OSBPL11: variants seen among roughly 807,000 people sequenced by gnomAD.
The protein encoded by OSBPL11 is oxysterol-binding protein-related protein 11.
OSBPL11 carries 33 observed loss-of-function variants against 84.4 expected under a neutral mutation model. The ratio of observed to expected loss-of-function variants is 0.39; its 90% CI spans 0.30 to 0.52. OSBPL11 has a LOEUF of 0.52. Ranked by LOEUF, OSBPL11 falls within the 20% of genes least tolerant of loss-of-function variation. OSBPL11 has a pLI of 0.72. For synonymous variants in OSBPL11, 276 were observed against 310.2 expected, an observed-to-expected ratio of 0.89 and a Z score of 1.16; for missense variants, 736 against 901.1, an observed-to-expected ratio of 0.82 and a Z score of 2.35.
At chr3:125,532,080 C>G (rs1349337368) in intron 11 of OSBPL11, 66 bp from the exon 12 acceptor site, 1 of 1,445,964 alleles carries the variant, frequency 6.9e-7, no homozygotes, top group Non-Finnish European at 9.3e-7. Flanking sequence ...AGAATCAATA[C>G]CCTCAAAATT....
intron 9 of OSBPL11, among the ~76,000 whole-genome samples, chr3:125,548,884 T>G (rs977481295): frequency 6.6e-6 from 1 of 152,176 alleles, no homozygotes; most frequent in Admixed American, 6.6e-5. Context: ...TATTTTTTTT[T>G]TTTGTATTGC....
intron 8 of OSBPL11, among the ~76,000 whole-genome samples, chr3:125,557,797 T>C (rs1241980045): frequency 2.1e-5 from 3 of 140,914 alleles, no homozygotes; most frequent in African/African-American, 2.7e-5. Flanking sequence ...CTTTCTTTTT[T>C]TTTTTTTTTT....
At chr3:125,594,587 AT>A in intron 1 of OSBPL11, 49 bp downstream of exon 1, 2 of 1,589,544 alleles carry the variant, frequency 1.3e-6, no homozygotes, top group Non-Finnish European at 1.7e-6. Flanking sequence ...TCCAGGGCAT[AT>A]TCACCCCTAC....
chr3:125,563,938 G>A lies in OSBPL11; in HGVS notation c.869-95C>T, dbSNP rs142570730. The A allele has an allele frequency of 4.9e-6, 7 of 1,422,578 alleles. No homozygotes were observed. In the African/African-American group the frequency reaches 5.7e-5, roughly 12 times the overall value. 88.1% of individuals were successfully genotyped at this position (1,422,578 alleles called of 1,614,324 possible). On this transcript the variant is annotated intron_variant, in intron 6 of 12. Transcript: ENST00000296220. ...TAACAATTTTGTTTTGAGCCTACAA[G>A]CCTAAAAGCAATTAAACCTGTTAAG...
chr3:125,588,557 T>C (rs1936549630), intron 1 of OSBPL11, among the ~76,000 whole-genome samples: 2 of 152,194 alleles, frequency 1.3e-5, no homozygotes, highest in Non-Finnish European at 1.5e-5. Flanking sequence ...ATCCAAGTTG[T>C]AGTCAGTAAA....
intron 1 of OSBPL11, among the ~76,000 whole-genome samples, chr3:125,592,650 C>A (rs1258529376): frequency 6.6e-6 from 1 of 152,026 alleles, no homozygotes; most frequent in Non-Finnish European, 1.5e-5. Flanking sequence ...GGAAATGTTT[C>A]ATTGTATATA....
chr3:125,551,709 C>T (rs1336820312), intron 9 of OSBPL11, among the ~76,000 whole-genome samples: 2 of 151,724 alleles, frequency 1.3e-5, no homozygotes, highest in African/African-American at 2.4e-5. Context: ...ACCTGGGAGG[C>T]GGAGTTTGCA....
chr3:125,590,493 T>C (rs1372649505), intron 1 of OSBPL11, among the ~76,000 whole-genome samples: 2 of 152,030 alleles, frequency 1.3e-5, no homozygotes, highest in Non-Finnish European at 2.9e-5. Flanking sequence ...GAGGCAGAGG[T>C]TGCAGTGAGC....
intron 5 of OSBPL11, among the ~76,000 whole-genome samples, chr3:125,570,408 T>C (rs931937961): frequency 4.0e-5 from 6 of 151,458 alleles, no homozygotes; most frequent in Non-Finnish European, 8.8e-5. Flanking sequence ...TCCCAGCTAC[T>C]TGGGAGGCTG....
chr3:125,555,170 C>A lies in OSBPL11; in HGVS notation c.1156-2491G>T, dbSNP rs577869242. 6.5e-4 allele frequency among the ~76,000 whole-genome samples: 99 copies of A among 152,270 alleles called. 1 individual carries two copies. Among genetic ancestry groups the A allele is most frequent in the South Asian group, 1.5e-3 (7 of 4,818 alleles). ...GTCTTCTGGCCTACATCTTTCTCCC[C>A]TGCTGGATGCTTCCTGCCCTTGAAC... is the stretch of plus-strand genomic sequence containing the variant. On this transcript the variant is annotated intron_variant, in intron 8 of 12. Transcript: ENST00000296220.
At chr3:125,559,820 G>A (rs577436879) in intron 8 of OSBPL11, among the ~76,000 whole-genome samples, 1 of 152,238 alleles carries the variant, frequency 6.6e-6, no homozygotes, top group East Asian at 1.9e-4. Context: ...CCCGAGGAGA[G>A]TGGATCATTT....
intron 8 of OSBPL11, among the ~76,000 whole-genome samples, chr3:125,560,027 C>T (rs991617180): frequency 1.3e-5 from 2 of 151,890 alleles, no homozygotes; most frequent in African/African-American, 2.4e-5. Flanking sequence ...TTTGGGAGGC[C>T]GAGGTGGGAG....
intron 5 of OSBPL11, 35 bp downstream of exon 5, chr3:125,576,154 T>A: frequency 4.5e-6 from 7 of 1,561,588 alleles, no homozygotes; most frequent in Non-Finnish European, 6.1e-6. Flanking sequence ...TAAAATCATT[T>A]TGTGCATTTT....
intron 7 of OSBPL11, among the ~76,000 whole-genome samples, chr3:125,563,351 G>A (rs1298612724): frequency 6.6e-6 from 1 of 152,080 alleles, no homozygotes; most frequent in Admixed American, 6.6e-5. Context: ...AATAAATAAT[G>A]TTAAGATAAT....
intron 8 of OSBPL11, among the ~76,000 whole-genome samples, chr3:125,559,008 T>A (rs1936033280): frequency 6.6e-6 from 1 of 152,226 alleles, no homozygotes; most frequent in Non-Finnish European, 1.5e-5. Context: ...TTGGGTTAAA[T>A]CTGGCCTCCT....
At chr3:125,563,149 T>C (rs1214558256) in intron 7 of OSBPL11, among the ~76,000 whole-genome samples, 1 of 152,110 alleles carries the variant, frequency 6.6e-6, no homozygotes, top group Non-Finnish European at 1.5e-5. Context: ...ATCAATATGA[T>C]TTGTTACAGT....
At chr3:125,534,974 A>AAAAAAAAAAAAAG (rs1935618859) in intron 11 of OSBPL11, among the ~76,000 whole-genome samples, 1 of 147,020 alleles carries the variant, frequency 6.8e-6, no homozygotes, top group Non-Finnish European at 1.5e-5. Flanking sequence ...AAAAAAAAAA[A>AAAAAAAAAAAAAG]AAAGCAAATT....
intron 1 of OSBPL11, among the ~76,000 whole-genome samples, chr3:125,591,316 G>A (rs1936592385): frequency 6.6e-6 from 1 of 152,192 alleles, no homozygotes; most frequent in Admixed American, 6.5e-5. Context: ...TCACACCCTT[G>A]TGTGGGACTT....
At chr3:125,554,205 T>C (rs1935956133) in intron 8 of OSBPL11, among the ~76,000 whole-genome samples, 4 of 152,320 alleles carry the variant, frequency 2.6e-5, no homozygotes, top group Admixed American at 2.0e-4. Flanking sequence ...TGGTCTATTC[T>C]CTAGACTGGA....
Sources: allele counts gnomAD v4.1 joint callset (sites outside exome capture counted in the v4.1 genomes callset), GRCh38; gene constraint gnomAD v4.1.1; transcripts MANE v1.5; gene names NCBI Gene and HGNC (gene_info 2026-07-23, HGNC 2026-07-21).